The following CNTN4 variants were observed in gnomAD, a reference collection of about 807,000 sequenced individuals.
CNTN4 encodes contactin 4.
A neutral mutation model predicts 122.5 loss-of-function variants in CNTN4; 77 were observed. That is an observed-to-expected ratio of 0.63 (90% CI 0.52 to 0.76). The LOEUF (loss-of-function observed/expected upper bound fraction) is 0.76, where lower values mean the gene tolerates loss of function less well. CNTN4 is among the 30% of genes least tolerant of loss of function. The probability of loss-of-function intolerance (pLI) is 0.00; values close to 1 mark genes in which losing one functional copy is unlikely to be tolerated. For missense variants in CNTN4, 1,256 were observed against 1,259.1 expected (o/e 1.00, Z 0.04); for synonymous variants, 512 against 447.0 (o/e 1.15, Z -1.83).
At chr3:2,101,835 G>T (rs573575767) in intron 2 of CNTN4, among the ~76,000 whole-genome samples, 1 of 152,130 alleles carries the variant, frequency 6.6e-6, no homozygotes, top group African/African-American at 2.4e-5. Flanking sequence ...TATCCCGGTG[G>T]ATCATTTTGT....
At chr3:2,949,689 C>G (rs1167743784) in intron 13 of CNTN4, among the ~76,000 whole-genome samples, 3 of 152,198 alleles carry the variant, frequency 2.0e-5, no homozygotes, top group East Asian at 1.9e-4. Flanking sequence ...GGTTGCTGTC[C>G]TTTCCAAGCC....
intron 2 of CNTN4, among the ~76,000 whole-genome samples, chr3:2,322,254 G>A (rs1397911113): frequency 1.3e-5 from 2 of 152,152 alleles, no homozygotes; most frequent in Non-Finnish European, 2.9e-5. Context: ...GTTCACAGCA[G>A]CATTACTTAA....
At chr3:2,666,894 T>A (rs934805875) in intron 4 of CNTN4, among the ~76,000 whole-genome samples, 5 of 152,058 alleles carry the variant, frequency 3.3e-5, no homozygotes, top group African/African-American at 1.2e-4. Flanking sequence ...TCCAGCTTCA[T>A]CCATGTCCCT....
intron 2 of CNTN4, among the ~76,000 whole-genome samples, chr3:2,238,522 G>A (rs968118357): frequency 2.0e-5 from 3 of 151,548 alleles, no homozygotes; most frequent in Non-Finnish European, 2.9e-5. Context: ...TCTTAAATTT[G>A]TTATCTGAAT....
chr3:2,116,076 G>C (rs531746028), intron 2 of CNTN4, among the ~76,000 whole-genome samples: 19 of 152,222 alleles, frequency 1.2e-4, no homozygotes, highest in Non-Finnish European at 2.2e-4. Context: ...CATTGGGTTG[G>C]ACCCCAATCC....
chr3:2,803,143 A>G (rs2092387241), intron 6 of CNTN4, among the ~76,000 whole-genome samples: 1 of 152,244 alleles, frequency 6.6e-6, no homozygotes, highest in South Asian at 2.1e-4. Flanking sequence ...ATGAACTGGC[A>G]TTTTCAGAAT....
intron 2 of CNTN4, among the ~76,000 whole-genome samples, chr3:2,284,168 A>G (rs1020087397): frequency 2.0e-5 from 3 of 152,160 alleles, no homozygotes; most frequent in African/African-American, 7.2e-5. Context: ...AATTAAAGAA[A>G]GTGAAGAAAT....
At chr3:2,639,310 G>A (rs1460220038) in intron 4 of CNTN4, among the ~76,000 whole-genome samples, 1 of 151,918 alleles carries the variant, frequency 6.6e-6, no homozygotes, top group African/African-American at 2.4e-5. Context: ...CTGGTGCCCT[G>A]CCCCACCTGT....
In CNTN4 at chr3:2,225,380, G is replaced by C. The variant is rs149669926; in HGVS notation, c.-144-113798G>C. On this transcript the variant is annotated intron_variant, in intron 2 of 24. Coordinates refer to ENST00000418658, the MANE Select transcript of CNTN4 (RefSeq NM_175607.3). The stretch of plus-strand genomic sequence containing the variant: ...ATACAAAAAAGTAGCCGGGTGTGGT[G>C]GTGGGCGCCTGTAATCCCAGCTACT... Among the ~76,000 whole-genome samples, 11 of 151,842 alleles carry C rather than the reference G, an allele frequency of 7.2e-5. No homozygotes were observed. In the South Asian group the frequency reaches 8.3e-4, roughly 11 times the overall value.
chr3:2,780,615 C>T (rs991947208), intron 6 of CNTN4, among the ~76,000 whole-genome samples: 1 of 152,200 alleles, frequency 6.6e-6, no homozygotes. Context: ...CTACTTTGAT[C>T]TTACATGTAA....
chr3:3,050,985 G>C (rs2125884689), intron 23 of CNTN4, among the ~76,000 whole-genome samples: 1 of 152,220 alleles, frequency 6.6e-6, no homozygotes, highest in East Asian at 1.9e-4. Flanking sequence ...GGCTACATGT[G>C]GCCCAAGATG....
intron 6 of CNTN4, among the ~76,000 whole-genome samples, chr3:2,790,949 T>G (rs532989209): frequency 6.6e-6 from 1 of 152,288 alleles, no homozygotes; most frequent in East Asian, 1.9e-4. Context: ...GAGCTTGGAT[T>G]TGGTTGCTTA....
chr3:2,728,721 G>A (rs1026336670), intron 4 of CNTN4, among the ~76,000 whole-genome samples: 2 of 152,300 alleles, frequency 1.3e-5, no homozygotes, highest in Middle Eastern at 3.4e-3. Flanking sequence ...TGTGACCCAG[G>A]TACAACTCAT....
chr3:2,877,213 A>T (rs1289221785), intron 8 of CNTN4, among the ~76,000 whole-genome samples: 2 of 152,256 alleles, frequency 1.3e-5, no homozygotes, highest in Non-Finnish European at 2.9e-5. Flanking sequence ...TATAAGGATC[A>T]GATCTGTGTT....
intron 2 of CNTN4, among the ~76,000 whole-genome samples, chr3:2,233,295 T>C (rs935440516): frequency 6.6e-6 from 1 of 152,118 alleles, no homozygotes. Context: ...GAATATTGAG[T>C]ATTTTAATGT....
At chr3:2,344,685 C>T (rs944129479) in intron 3 of CNTN4, among the ~76,000 whole-genome samples, 6 of 152,118 alleles carry the variant, frequency 3.9e-5, no homozygotes, top group African/African-American at 7.2e-5. Flanking sequence ...GACTACCTCT[C>T]TCATATTTCT....
intron 3 of CNTN4, among the ~76,000 whole-genome samples, chr3:2,450,738 C>A (rs1559563297): frequency 6.6e-6 from 1 of 152,304 alleles, no homozygotes; most frequent in African/African-American, 2.4e-5. Flanking sequence ...TGGCTTGGAC[C>A]AAAGCCCCCA....
intron 14 of CNTN4, among the ~76,000 whole-genome samples, chr3:3,009,890 G>A (rs986242936): frequency 6.6e-6 from 1 of 151,220 alleles, no homozygotes; most frequent in Non-Finnish European, 1.5e-5. Flanking sequence ...TAAGAACTGG[G>A]CCATTTCCTT....
intron 23 of CNTN4, among the ~76,000 whole-genome samples, chr3:3,048,516 CTG>C (rs765657967): frequency 0.38 from 42,967 of 112,204 alleles, 6,674 homozygotes; most frequent in African/African-American, 0.45. Context: ...CTCTCTCTCT[CTG>C]TGTGTGTGTG....
Sources: allele counts gnomAD v4.1 joint callset (sites outside exome capture counted in the v4.1 genomes callset), GRCh38; gene constraint gnomAD v4.1.1; transcripts MANE v1.5; gene names NCBI Gene and HGNC (gene_info 2026-07-23, HGNC 2026-07-21).